The following CNTNAP2 variants were observed in gnomAD, a reference collection of about 807,000 sequenced individuals.
CNTNAP2 encodes the protein contactin associated protein 2.
In CNTNAP2, 98 loss-of-function variants were observed where a neutral mutation model predicts 155.2. That is an observed-to-expected ratio of 0.63 (90% CI 0.54 to 0.75). CNTNAP2 has a LOEUF of 0.75. CNTNAP2 is among the 30% of genes least tolerant of loss of function. The pLI is 0.00. For synonymous variants in CNTNAP2, 651 were observed against 631.2 expected (o/e 1.03, Z -0.47); for missense variants, 1,727 against 1,688.1 (o/e 1.02, Z -0.40).
At chr7:147,982,252 G>A (rs1330610865) in intron 15 of CNTNAP2, among the ~76,000 whole-genome samples, 7 of 152,102 alleles carry the variant, frequency 4.6e-5, no homozygotes, top group Middle Eastern at 3.2e-3. Flanking sequence ...CTAGGGATAC[G>A]GGGACTGTAA....
chr7:147,626,543 C>T lies in CNTNAP2; in HGVS notation c.1898-12563C>T, dbSNP rs536533568. ...GACCTGATAGGATTTCTTTACCCAC[C>T]CTAGTAGCTGATTACAAAAGATAAA... On this transcript the variant is annotated intron_variant, in intron 12 of 23. Transcript: ENST00000361727. Among the ~76,000 whole-genome samples the T allele has an allele frequency of 2.6e-4, 40 of 152,236 alleles. 1 individual carries two copies. In the South Asian group the frequency reaches 8.1e-3, roughly 31 times the overall value.
At chr7:146,491,660 A>G (rs1563105028) in intron 1 of CNTNAP2, among the ~76,000 whole-genome samples, 1 of 152,106 alleles carries the variant, frequency 6.6e-6, no homozygotes, top group Non-Finnish European at 1.5e-5. Flanking sequence ...GAGCATTCCT[A>G]CTCTCTTACA....
chr7:147,092,998 G>A (rs1047939161), intron 4 of CNTNAP2, among the ~76,000 whole-genome samples: 8 of 151,940 alleles, frequency 5.3e-5, no homozygotes, highest in Admixed American at 2.0e-4. Flanking sequence ...CGAGGCAGGC[G>A]GATCACGACG....
chr7:146,511,178 A>T (rs1797460707), intron 1 of CNTNAP2, among the ~76,000 whole-genome samples: 2 of 152,268 alleles, frequency 1.3e-5, no homozygotes, highest in South Asian at 2.1e-4. Context: ...GATTACAGGC[A>T]TGTGCCACTG....
chr7:147,196,308 A>G (rs1308572703), intron 8 of CNTNAP2, among the ~76,000 whole-genome samples: 1 of 152,240 alleles, frequency 6.6e-6, no homozygotes, highest in Non-Finnish European at 1.5e-5. Context: ...TTAGATCAGA[A>G]TGACAACTAT....
At chr7:147,196,515 A>G (rs1244373219) in intron 8 of CNTNAP2, among the ~76,000 whole-genome samples, 2 of 152,246 alleles carry the variant, frequency 1.3e-5, no homozygotes, top group African/African-American at 4.8e-5. Flanking sequence ...AAGCATTTGA[A>G]GCCTTAAGAT....
intron 9 of CNTNAP2, among the ~76,000 whole-genome samples, chr7:147,353,153 ATATGTATATG>A (rs1245202111): frequency 6.6e-6 from 1 of 151,726 alleles, no homozygotes; most frequent in Non-Finnish European, 1.5e-5. Flanking sequence ...GTACATATAT[ATATGTATATG>A]TATACTTTAA....
chr7:146,535,828 G>A (rs1797860588), intron 1 of CNTNAP2, among the ~76,000 whole-genome samples: 1 of 151,876 alleles, frequency 6.6e-6, no homozygotes, highest in African/African-American at 2.4e-5. Flanking sequence ...CAAAAAGTAT[G>A]TGTTAAAAAA....
At chr7:148,130,000 T>A (rs1271571264) in intron 16 of CNTNAP2, among the ~76,000 whole-genome samples, 1 of 152,210 alleles carries the variant, frequency 6.6e-6, no homozygotes, top group Non-Finnish European at 1.5e-5. Context: ...GGAGATCTCC[T>A]AACATTATTG....
intron 3 of CNTNAP2, among the ~76,000 whole-genome samples, chr7:146,873,249 G>A (rs981508744): frequency 1.5e-5 from 2 of 129,438 alleles, no homozygotes; most frequent in Admixed American, 8.5e-5. Context: ...CCACCCACAC[G>A]TCTACAAAAA....
intron 8 of CNTNAP2, among the ~76,000 whole-genome samples, chr7:147,259,449 A>T (rs1045073716): frequency 3.3e-5 from 5 of 152,336 alleles, no homozygotes; most frequent in African/African-American, 1.2e-4. Context: ...TATGACAATG[A>T]CATCAAGAAA....
chr7:147,836,140 T>C (rs1798629693), intron 13 of CNTNAP2, among the ~76,000 whole-genome samples: 1 of 152,114 alleles, frequency 6.6e-6, no homozygotes, highest in African/African-American at 2.4e-5. Context: ...AGGAAGAAAT[T>C]TTTGTTGTCC....
chr7:148,211,792 G>A (rs1020100938), intron 18 of CNTNAP2, among the ~76,000 whole-genome samples: 4 of 152,136 alleles, frequency 2.6e-5, no homozygotes, highest in African/African-American at 7.2e-5. Context: ...TACACAACCA[G>A]AGTGGCTCAG....
chr7:147,753,182 T>G (rs1452698523), intron 13 of CNTNAP2, among the ~76,000 whole-genome samples: 2 of 152,124 alleles, frequency 1.3e-5, no homozygotes, highest in Non-Finnish European at 2.9e-5. Flanking sequence ...TAAAGCTGAT[T>G]ACCCATCAGA....
chr7:147,585,847 A>T (rs2116834420), intron 12 of CNTNAP2, among the ~76,000 whole-genome samples: 1 of 152,158 alleles, frequency 6.6e-6, no homozygotes, highest in African/African-American at 2.4e-5. Flanking sequence ...ATAATACTTT[A>T]TAGGCTATAT....
At chr7:147,360,939 C>T (rs958923038) in intron 9 of CNTNAP2, among the ~76,000 whole-genome samples, 3 of 152,068 alleles carry the variant, frequency 2.0e-5, no homozygotes, top group Non-Finnish European at 4.4e-5. Flanking sequence ...TTGGATTCAT[C>T]CATTAGAAGG....
At chr7:147,036,705 C>G (rs1442253770) in intron 3 of CNTNAP2, among the ~76,000 whole-genome samples, 1 of 152,084 alleles carries the variant, frequency 6.6e-6, no homozygotes, top group Non-Finnish European at 1.5e-5. Flanking sequence ...ATCTGCAAAG[C>G]ACTTGTATAC....
chr7:148,365,516 T>C (rs1177937), intron 21 of CNTNAP2, among the ~76,000 whole-genome samples: 50,720 of 151,106 alleles, frequency 0.34, 8,845 homozygotes, highest in Non-Finnish European at 0.39. Flanking sequence ...AATACAAAAA[T>C]TAGCCAGGCA....
At chr7:146,269,124 G>A (rs1395439289) in intron 1 of CNTNAP2, among the ~76,000 whole-genome samples, 11 of 151,994 alleles carry the variant, frequency 7.2e-5, no homozygotes, top group African/African-American at 2.2e-4. Context: ...GGCAGGTCAC[G>A]AGGTCAGGAG....
Sources: allele counts gnomAD v4.1 joint callset (sites outside exome capture counted in the v4.1 genomes callset), GRCh38; gene constraint gnomAD v4.1.1; transcripts MANE v1.5; gene names NCBI Gene and HGNC (gene_info 2026-07-23, HGNC 2026-07-21).